LAMTOR1: variants seen among roughly 807,000 people sequenced by gnomAD.
LAMTOR1 encodes ragulator complex protein LAMTOR1.
Under a neutral mutation model 20.5 loss-of-function variants are expected in LAMTOR1, and 8 were observed. The ratio of observed to expected loss-of-function variants is 0.39; its 90% CI spans 0.23 to 0.70. The LOEUF (loss-of-function observed/expected upper bound fraction) is 0.70. Among genes scored for constraint, LAMTOR1 ranks in the 30% least tolerant of loss-of-function variants. The pLI, the probability that LAMTOR1 is intolerant of heterozygous loss-of-function variation, is 0.43. For missense variants in LAMTOR1, 135 were observed against 206.2 expected (o/e 0.65, Z 2.11); for synonymous variants, 77 against 80.9 (o/e 0.95, Z 0.26).
chr11:72,101,614 T>C (rs773423951), intron 1 of LAMTOR1, among the ~76,000 whole-genome samples: 3 of 152,202 alleles, frequency 2.0e-5, no homozygotes, highest in Non-Finnish European at 4.4e-5. Flanking sequence ...TTTTTTATTA[T>C]GATAAAGAGA....
intron 1 of LAMTOR1, among the ~76,000 whole-genome samples, chr11:72,102,777 C>G (rs1591181498): frequency 1.3e-5 from 2 of 152,204 alleles, no homozygotes; most frequent in East Asian, 3.9e-4. Flanking sequence ...TGATTCATCT[C>G]AGGACAGACT....
In LAMTOR1 at chr11:72,098,297, A is replaced by G. The variant is rs1416008079; in HGVS notation, c.385T>C (p.Leu129=). Residue 129 remains leucine, a synonymous_variant, in exon 4 of 5, where the codon TTG becomes CTG. Transcript: ENST00000278671. ...LASEPIPFSD[L]QQVSRIAAYA... ...GGTGAGGGGTGTCTCACCTGCTGCA[A>G]ATCAGAGAACGGGATGGGCTCACTG... 1.2e-6 allele frequency: 2 copies of G among 1,613,666 alleles called. No individual in the cohort carries two copies. The highest frequency in any genetic ancestry group is 1.7e-5 in the Admixed American group (1 of 59,968).
Position 72,101,776 on chromosome 11 carries a change from C to G in LAMTOR1, c.42+1407G>C, listed in dbSNP as rs149898679. Among the ~76,000 whole-genome samples, 51 of 152,136 alleles carry G rather than the reference C, an allele frequency of 3.4e-4. 2 individuals carry two copies. In the East Asian group the frequency reaches 9.9e-3, roughly 29 times the overall value. Reference sequence around the variant, plus strand: ...TGTTAGGAACAGAAATGAGAGCCCCCCAAGGAGAAGGTAGAGATTCAGGAG... The same window carrying G: ...TGTTAGGAACAGAAATGAGAGCCCCGCAAGGAGAAGGTAGAGATTCAGGAG... On this transcript the variant is annotated intron_variant, in intron 1 of 4. Transcript: ENST00000278671.
rs548647024 is a variant in LAMTOR1, at chr11:72,098,467, G to C, written c.267-52C>G. 38 of 1,573,386 alleles carry C rather than the reference G, an allele frequency of 2.4e-5. No homozygotes were observed. The African/African-American group carries it at 4.6e-4, about 19-fold the overall frequency. On this transcript the variant is annotated intron_variant, in intron 3 of 4. Coordinates refer to ENST00000278671, the MANE Select transcript of LAMTOR1 (RefSeq NM_017907.3). Reference sequence around the variant, plus strand: ...AGGCAGTTAAGCCACAGTCTGCCCTGCCCAGCCCAGGTAAGCCTCATCCCC... The same window carrying C: ...AGGCAGTTAAGCCACAGTCTGCCCTCCCCAGCCCAGGTAAGCCTCATCCCC...
intron 1 of LAMTOR1, among the ~76,000 whole-genome samples, chr11:72,101,621 G>C (rs1429892532): frequency 6.6e-6 from 1 of 152,192 alleles, no homozygotes; most frequent in Non-Finnish European, 1.5e-5. Context: ...TTATGATAAA[G>C]AGACAGAGAT....
chr11:72,098,113 G>T lies in LAMTOR1; in HGVS notation c.393+176C>A, dbSNP rs1945295510. Reference sequence around the variant, plus strand: ...GAAACAATAAAGGTTGCAGGAAGGAGATAGGAAAGACATAAAAAGTTAAGA... The same window carrying T: ...GAAACAATAAAGGTTGCAGGAAGGATATAGGAAAGACATAAAAAGTTAAGA... On this transcript the variant is annotated intron_variant, in intron 4 of 4. Transcript: ENST00000278671. 14 of 1,011,704 alleles carry T rather than the reference G, an allele frequency of 1.4e-5. No homozygotes were observed. The Admixed American group carries it at 3.6e-4, about 26-fold the overall frequency. 62.7% of individuals were successfully genotyped at this position (1,011,704 alleles called of 1,614,324 possible). A position where few individuals can be genotyped will look rare whatever the true frequency, so the allele number is the denominator to read the frequency against.
chr11:72,100,842 T>A (rs976118130), intron 1 of LAMTOR1: 16 of 152,312 alleles, frequency 1.1e-4, no homozygotes, highest in Non-Finnish European at 7.3e-5. Context: ...TCAGGCAATT[T>A]GATCCAGTTC....
Position 72,097,728 on chromosome 11 carries a change from G to A in LAMTOR1, c.*94C>T, listed in dbSNP as rs1565324340. 6 of 1,601,112 alleles carry A rather than the reference G, an allele frequency of 3.7e-6. No individual in the cohort carries two copies. The highest frequency in any genetic ancestry group is 1.7e-4 in the Middle Eastern group (1 of 5,990). On this transcript the variant is annotated 3_prime_UTR_variant, in exon 5 of 5. Transcript: ENST00000278671. ...TTTCTCTGTGATTAGTAGCAGGTTA[G>A]GGTACTGTATAAGCCGCAGTGAGGC...
In LAMTOR1 at chr11:72,097,432, A is replaced by G. The variant is rs1945265322; in HGVS notation, c.*390T>C. On this transcript the variant is annotated 3_prime_UTR_variant, in exon 5 of 5. Coordinates refer to ENST00000278671, the MANE Select transcript of LAMTOR1 (RefSeq NM_017907.3). ...CAGACCCTGGTCACAAACCCTAGTG[A>G]GGTGCATGTGAGCACCAAGTCAGGG... is the stretch of plus-strand genomic sequence containing the variant. 2 of 1,024,350 alleles carry G rather than the reference A, an allele frequency of 2.0e-6. No homozygotes were observed. The highest frequency in any genetic ancestry group is 5.0e-5 in the Admixed American group (1 of 19,994). The allele number at this position is 1,024,350 out of a possible 1,614,324, so 63.5% of individuals were successfully genotyped here. A position where few individuals can be genotyped will look rare whatever the true frequency, so the allele number is the denominator to read the frequency against.
chr11:72,102,077 C>G (rs1945463212), intron 1 of LAMTOR1, among the ~76,000 whole-genome samples: 2 of 152,148 alleles, frequency 1.3e-5, no homozygotes, highest in South Asian at 4.1e-4. Context: ...CAGAAGCCAC[C>G]CTTGCTTCCC....
chr11:72,099,969 C>A lies in LAMTOR1; in HGVS notation c.43-713G>T, dbSNP rs2135160274. Among the ~76,000 whole-genome samples the A allele has an allele frequency of 2.6e-5, 4 of 152,226 alleles. 1 individual carries two copies. Among genetic ancestry groups the A allele is most frequent in the Middle Eastern group, 6.8e-3 (2 of 294 alleles). ...TGTACATGGTGTATCCTGATCTGAG[C>A]AGTACAGCTGTAGCCATGTATGGTG... On this transcript the variant is annotated intron_variant, in intron 1 of 4. Coordinates refer to ENST00000278671, the MANE Select transcript of LAMTOR1 (RefSeq NM_017907.3).
intron 1 of LAMTOR1, among the ~76,000 whole-genome samples, chr11:72,101,757 G>C (rs1945448374): frequency 6.6e-6 from 1 of 152,152 alleles, no homozygotes. Context: ...TGGGTGTTAG[G>C]AACAGAAATG....
Position 72,103,226 on chromosome 11 carries a change from G to C in LAMTOR1, c.-2C>G. 1.3e-6 allele frequency: 2 copies of C among 1,562,484 alleles called. No individual in the cohort carries two copies. Among genetic ancestry groups the C allele is most frequent in the Non-Finnish European group, 1.7e-6 (2 of 1,153,162 alleles). On this transcript the variant is annotated 5_prime_UTR_variant, in exon 1 of 5. Transcript: ENST00000278671. ...CTCGCTGCTGTAGCAGCACCCCATG[G>C]CCGGGGTCGGGCCGGGCGCTCAGGC...
intron 1 of LAMTOR1, among the ~76,000 whole-genome samples, chr11:72,102,222 A>G (rs2135168694): frequency 6.6e-6 from 1 of 152,290 alleles, no homozygotes; most frequent in Non-Finnish European, 1.5e-5. Flanking sequence ...GCTACCTGAA[A>G]CCTTTCTACT....
intron 3 of LAMTOR1, 44 bp from the exon 4 acceptor site, chr11:72,098,459 T>TCTGCC: frequency 1.3e-6 from 2 of 1,586,724 alleles, no homozygotes; most frequent in Non-Finnish European, 1.7e-6. Flanking sequence ...TAAGCCACAG[T>TCTGCC]CTGCCCTGCC....
Position 72,098,418 on chromosome 11 carries a change from G to T in LAMTOR1, c.267-3C>A. The T allele has an allele frequency of 6.2e-7, 1 of 1,610,408 alleles. No homozygotes were observed. Among genetic ancestry groups the T allele is most frequent in the South Asian group, 1.1e-5 (1 of 90,396 alleles). On this transcript the variant is annotated splice_polypyrimidine_tract_variant and splice_region_variant and intron_variant, in intron 3 of 4. Coordinates refer to ENST00000278671, the MANE Select transcript of LAMTOR1 (RefSeq NM_017907.3). The stretch of plus-strand genomic sequence containing the variant: ...TGCTCAGCACAGCCAAGCGGGTGCT[G>T]ACCAAGAGAGAGGGGGTGGGGGTAG...
At position 72,103,113 on chromosome 11, in the gene LAMTOR1, G is replaced by A. The variant is rs545713855; in HGVS notation, c.42+70C>T. 1.8e-5 allele frequency: 27 copies of A among 1,541,406 alleles called. No homozygotes were observed. The South Asian group carries it at 3.2e-4, about 18-fold the overall frequency. On this transcript the variant is annotated intron_variant, in intron 1 of 4. Transcript: ENST00000278671. Reference sequence around the variant, plus strand: ...GCAGTCCGGCTGCCCGTCCTCCGCAGGTTTCTTTCTGGGCCCCATGCCCCA... The same window carrying A: ...GCAGTCCGGCTGCCCGTCCTCCGCAAGTTTCTTTCTGGGCCCCATGCCCCA...
In LAMTOR1 at chr11:72,103,270, C is replaced by T; in HGVS notation, c.-46G>A. On this transcript the variant is annotated 5_prime_UTR_variant, in exon 1 of 5. Coordinates refer to ENST00000278671, the MANE Select transcript of LAMTOR1 (RefSeq NM_017907.3). The stretch of plus-strand genomic sequence containing the variant: ...CTCAGGCCGCGCCGAGGAGGGACGG[C>T]GTCCGTGAGGAGCCCTTCCGGTCAC... The T allele has an allele frequency of 1.3e-6, 2 of 1,546,160 alleles. No individual in the cohort carries two copies. Among genetic ancestry groups the T allele is most frequent in the Non-Finnish European group, 1.7e-6 (2 of 1,145,232 alleles).
chr11:72,097,716 A>C lies in LAMTOR1; in HGVS notation c.*106T>G. 6.3e-7 allele frequency: 1 copy of C among 1,575,328 alleles called. No individual in the cohort carries two copies. The highest frequency in any genetic ancestry group is 1.4e-5 in the African/African-American group (1 of 73,672). ...CTTCTTCACATTTTTCTCTGTGATT[A>C]GTAGCAGGTTAGGGTACTGTATAAG... is the stretch of plus-strand genomic sequence containing the variant. On this transcript the variant is annotated 3_prime_UTR_variant, in exon 5 of 5. Transcript: ENST00000278671.
Sources: gnomAD v4.1 joint callset for allele counts (sites outside exome capture counted in the v4.1 genomes callset) on GRCh38, gnomAD v4.1.1 for gene constraint, MANE v1.5 for transcripts, NCBI Gene and HGNC (gene_info 2026-07-23, HGNC 2026-07-21) for gene names.